The following KLHL32 variants were observed in gnomAD, a reference collection of about 807,000 sequenced individuals.
KLHL32 encodes the protein kelch-like protein 32.
KLHL32 carries 35 observed loss-of-function variants against 64.8 expected under a neutral mutation model. The ratio of observed to expected loss-of-function variants is 0.54; its 90% confidence interval spans 0.41 to 0.72. The LOEUF (loss-of-function observed/expected upper bound fraction) is 0.72. Among genes scored for constraint, KLHL32 ranks in the 30% least tolerant of loss-of-function variants. The pLI is 0.00. For missense variants in KLHL32, 589 were observed against 768.5 expected (o/e 0.77, Z 2.76); for synonymous variants, 259 against 281.0 (o/e 0.92, Z 0.78).
At chr6:97,082,573 A>C (rs995696767) in intron 5 of KLHL32, among the ~76,000 whole-genome samples, 2 of 151,744 alleles carry the variant, frequency 1.3e-5, no homozygotes, top group Admixed American at 1.3e-4. Context: ...AGATAGCACC[A>C]CTGCACTCCA....
At chr6:97,017,377 G>A (rs1167924606) in intron 3 of KLHL32, among the ~76,000 whole-genome samples, 1 of 152,188 alleles carries the variant, frequency 6.6e-6, no homozygotes, top group Non-Finnish European at 1.5e-5. Flanking sequence ...CTACCATAGG[G>A]AATGCCCTCA....
intron 6 of KLHL32, chr6:97,105,375 A>G: frequency 2.2e-6 from 1 of 463,486 alleles, no homozygotes; most frequent in Non-Finnish European, 4.5e-6. Flanking sequence ...CTGCTGTTTG[A>G]TGGAGGTTCA....
rs755470387 is a variant in KLHL32 at position 97,085,171 on chromosome 6, C to T, written c.457C>T (p.Leu153Phe). 33 of 1,613,876 alleles carry T rather than the reference C, an allele frequency of 2.0e-5. No homozygotes were observed. The highest frequency in any genetic ancestry group is 2.8e-5 in the Non-Finnish European group (33 of 1,180,024). Reference sequence around the variant, plus strand: ...CTTGGATCTGTACAGACTTGCTGACCTCTTTAACCTCACTTTGTTGGAGAA... The same window carrying T: ...CTTGGATCTGTACAGACTTGCTGACTTCTTTAACCTCACTTTGTTGGAGAA... Reference protein sequence around the residue: ...NYLDLYRLADLFNLTLLEKAV... With the variant: ...NYLDLYRLADFFNLTLLEKAV... The change falls in exon 6 of 11, where the codon CTC becomes TTC. Residue 153 changes from leucine to phenylalanine, a missense_variant. Leu to Phe is a conservative substitution (Grantham distance 22). This residue lies in a region of KLHL32 where 191 missense variants were observed against 223.3 expected (regional missense o/e 0.86). Transcript: ENST00000369261.
chr6:96,965,064 T>C (rs1033712951), intron 1 of KLHL32, among the ~76,000 whole-genome samples: 4 of 152,208 alleles, frequency 2.6e-5, no homozygotes, highest in Admixed American at 2.0e-4. Context: ...ACTCAATGCT[T>C]AACTCACTTA....
chr6:97,085,383 A>C (rs1158682676), intron 6 of KLHL32, 42 bp downstream of exon 6: 1 of 1,534,234 alleles, frequency 6.5e-7, no homozygotes. Context: ...CTGAAAAAGC[A>C]TGCCGTGATT....
chr6:97,122,289 A>C (rs1184425811), intron 7 of KLHL32, among the ~76,000 whole-genome samples: 1 of 151,976 alleles, frequency 6.6e-6, no homozygotes, highest in Admixed American at 6.5e-5. Flanking sequence ...TTAAGTACCC[A>C]TCATCTGTGT....
intron 7 of KLHL32, among the ~76,000 whole-genome samples, chr6:97,121,677 A>C (rs778950429): frequency 3.9e-5 from 6 of 152,132 alleles, no homozygotes; most frequent in Non-Finnish European, 8.8e-5. Context: ...TTGGCTACAA[A>C]ACTCTTCTCA....
the KLHL32 span, among the ~76,000 whole-genome samples, chr6:96,918,965 G>T: frequency 4.1e-3 from 625 of 152,218 alleles, 10 homozygotes; most frequent in African/African-American, 0.015. Context: ...CCCTTATGGA[G>T]GTAAGAGAAC....
At chr6:97,072,150 A>G (rs1157291752) in intron 5 of KLHL32, among the ~76,000 whole-genome samples, 1 of 152,110 alleles carries the variant, frequency 6.6e-6, no homozygotes, top group Non-Finnish European at 1.5e-5. Flanking sequence ...AGAATCTCCC[A>G]TCTCCTTGAG....
rs545871546 is a variant in KLHL32 at position 96,976,000 on chromosome 6, T to C, written c.27T>C (p.Ile9=). MPSERCLS[I]QEMLTGQRLC... ...ACTTGATTGCTCTCCTTTGTAGTAT[T>C]CAAGAAATGCTGACAGGCCAGAGGC... The change falls in exon 3 of 11, where the codon ATT becomes ATC. Residue 9 remains isoleucine, a synonymous_variant. Transcript: ENST00000369261. The C allele has an allele frequency of 3.2e-5, 50 of 1,569,472 alleles. No individual in the cohort carries two copies. The South Asian group carries it at 5.7e-4, about 18-fold the overall frequency.
intron 3 of KLHL32, among the ~76,000 whole-genome samples, chr6:96,987,627 C>G (rs1197837578): frequency 6.6e-6 from 1 of 152,138 alleles, no homozygotes; most frequent in Non-Finnish European, 1.5e-5. Context: ...GGAACCAAAA[C>G]AGAGCCTGCA....
intron 3 of KLHL32, among the ~76,000 whole-genome samples, chr6:97,037,379 G>T (rs910334940): frequency 2.0e-5 from 3 of 149,992 alleles, no homozygotes; most frequent in African/African-American, 7.5e-5. Context: ...AATTTAAAAT[G>T]TATAGACTTG....
chr6:97,030,629 G>GA (rs1248925756), intron 3 of KLHL32, among the ~76,000 whole-genome samples: 1 of 152,200 alleles, frequency 6.6e-6, no homozygotes, highest in Non-Finnish European at 1.5e-5. Context: ...TTTCTAAGCA[G>GA]AACTTTATCC....
intron 6 of KLHL32, among the ~76,000 whole-genome samples, chr6:97,098,127 G>T (rs1328859465): frequency 6.6e-6 from 1 of 152,184 alleles, no homozygotes; most frequent in African/African-American, 2.4e-5. Context: ...GCTATTTGAA[G>T]TATAGGCTAA....
At chr6:96,931,719 A>G (rs1170686203) in intron 1 of KLHL32, among the ~76,000 whole-genome samples, 2 of 152,300 alleles carry the variant, frequency 1.3e-5, no homozygotes, top group Non-Finnish European at 2.9e-5. Context: ...TCATTTCTTT[A>G]TAGCTCCAGA....
At chr6:97,059,644 G>A (rs1418891818) in intron 4 of KLHL32, among the ~76,000 whole-genome samples, 2 of 152,180 alleles carry the variant, frequency 1.3e-5, no homozygotes, top group African/African-American at 4.8e-5. Context: ...TTAAATGGCT[G>A]CCACCTTGTG....
chr6:97,051,699 G>A (rs971687948), intron 4 of KLHL32, among the ~76,000 whole-genome samples: 2 of 152,084 alleles, frequency 1.3e-5, no homozygotes, highest in Non-Finnish European at 2.9e-5. Flanking sequence ...AAGAAATTTC[G>A]ATCCTTCCTT....
At chr6:97,056,627 A>G (rs1582872808) in intron 4 of KLHL32, among the ~76,000 whole-genome samples, 2 of 152,242 alleles carry the variant, frequency 1.3e-5, no homozygotes, top group East Asian at 3.9e-4. Context: ...TTGACAAATA[A>G]CTTGCTATTA....
intron 6 of KLHL32, among the ~76,000 whole-genome samples, chr6:97,107,416 C>CTT (rs113756106): frequency 0.054 from 8,263 of 152,084 alleles, 751 homozygotes; most frequent in African/African-American, 0.19. Flanking sequence ...AAGTTAAAAA[C>CTT]AGTTTCTAGT....
Sources: allele counts gnomAD v4.1 joint callset (sites outside exome capture counted in the v4.1 genomes callset), GRCh38; gene constraint gnomAD v4.1.1; regional missense constraint gnomAD v4.1.1; transcripts MANE v1.5; gene names NCBI Gene and HGNC (gene_info 2026-07-23, HGNC 2026-07-21).